Variants in AGFG1 observed in about 807,000 individuals in gnomAD.
AGFG1 encodes ArfGAP with FG repeats 1.
AGFG1 carries 10 observed loss-of-function variants against 60.6 expected under a neutral mutation model. The observed-to-expected ratio is 0.16, with a 90% confidence interval of 0.10 to 0.28. AGFG1 has a LOEUF of 0.28. Among genes scored for constraint, AGFG1 ranks in the 10% least tolerant of loss-of-function variants. The pLI is 1.00. For synonymous variants in AGFG1, 247 were observed against 242.9 expected (o/e 1.02, Z -0.16); for missense variants, 537 against 676.5 (o/e 0.79, Z 2.29).
At chr2:227,493,263 G>T (rs1380226768) in intron 2 of AGFG1, among the ~76,000 whole-genome samples, 1 of 152,088 alleles carries the variant, frequency 6.6e-6, no homozygotes, top group Non-Finnish European at 1.5e-5. Context: ...CAGATCTCTA[G>T]AAATTAATCA....
At chr2:227,500,885 C>T (rs897681062) in intron 2 of AGFG1, among the ~76,000 whole-genome samples, 5 of 151,944 alleles carry the variant, frequency 3.3e-5, no homozygotes, top group Non-Finnish European at 5.9e-5. Flanking sequence ...CACTGCCTCC[C>T]AGGTTCAAGT....
intron 10 of AGFG1, among the ~76,000 whole-genome samples, chr2:227,543,839 C>T (rs1575113294): frequency 6.6e-6 from 1 of 151,102 alleles, no homozygotes; most frequent in African/African-American, 2.4e-5. Flanking sequence ...CTGGGTTCTC[C>T]TGTATTGGGT....
intron 10 of AGFG1, among the ~76,000 whole-genome samples, chr2:227,551,660 A>G (rs1482744255): frequency 1.3e-5 from 2 of 152,222 alleles, no homozygotes; most frequent in Non-Finnish European, 2.9e-5. Context: ...TTAAAACACA[A>G]GACTACTGTT....
At chr2:227,481,179 CT>C (rs1690449478) in intron 1 of AGFG1, among the ~76,000 whole-genome samples, 1 of 101,040 alleles carries the variant, frequency 9.9e-6, no homozygotes, top group South Asian at 3.2e-4. Flanking sequence ...CTCCAATCTT[CT>C]TTTTTGGGGA....
chr2:227,553,081 T>G (rs1245963061), intron 11 of AGFG1, among the ~76,000 whole-genome samples: 1 of 151,660 alleles, frequency 6.6e-6, no homozygotes, highest in East Asian at 1.9e-4. Context: ...CAAAATACTG[T>G]GATGTTTACA....
At chr2:227,521,760 T>A (rs1228471939) in intron 3 of AGFG1, among the ~76,000 whole-genome samples, 1 of 152,238 alleles carries the variant, frequency 6.6e-6, no homozygotes, top group African/African-American at 2.4e-5. Flanking sequence ...GTTGGTAGAA[T>A]TAAAATCATA....
chr2:227,551,936 G>A, intron 10 of AGFG1, 23 bp from the exon 11 acceptor site: 1 of 1,612,562 alleles, frequency 6.2e-7, no homozygotes, highest in Non-Finnish European at 8.5e-7. Context: ...GTATGTAACT[G>A]ATCAGCCCTT....
chr2:227,514,025 C>A (rs893037782), intron 2 of AGFG1, among the ~76,000 whole-genome samples: 2 of 152,096 alleles, frequency 1.3e-5, no homozygotes, highest in African/African-American at 4.8e-5. Flanking sequence ...GCTAGAAGTT[C>A]AGAGGAGGGA....
chr2:227,553,027 AAT>A (rs1268371823), intron 11 of AGFG1, among the ~76,000 whole-genome samples: 1 of 150,818 alleles, frequency 6.6e-6, no homozygotes, highest in Non-Finnish European at 1.5e-5. Flanking sequence ...AAAAATCTGA[AAT>A]ATGGACCCTG....
At chr2:227,513,365 T>A (rs565072610) in intron 2 of AGFG1, among the ~76,000 whole-genome samples, 1 of 152,330 alleles carries the variant, frequency 6.6e-6, no homozygotes, top group East Asian at 1.9e-4. Flanking sequence ...TTGTCCCTGC[T>A]TTCTAGTTGG....
At chr2:227,485,233 C>T (rs1000112242) in intron 1 of AGFG1, among the ~76,000 whole-genome samples, 9 of 135,228 alleles carry the variant, frequency 6.7e-5, no homozygotes, top group Non-Finnish European at 1.2e-4. Flanking sequence ...GAAGTTTCAC[C>T]GAATCGTTTC....
At chr2:227,524,668 T>C in intron 4 of AGFG1, 94 bp from the exon 5 acceptor site, 14 of 1,286,212 alleles carry the variant, frequency 1.1e-5, no homozygotes, top group Non-Finnish European at 1.2e-5. Context: ...TAACTCTTCG[T>C]ATGTATAAGT....
chr2:227,476,396 A>G (rs962079544), intron 1 of AGFG1, among the ~76,000 whole-genome samples: 1 of 152,230 alleles, frequency 6.6e-6, no homozygotes, highest in African/African-American at 2.4e-5. Context: ...TATGGAGACT[A>G]TAAACATTAG....
intron 1 of AGFG1, among the ~76,000 whole-genome samples, chr2:227,489,878 C>T (rs13411747): frequency 0.54 from 82,007 of 151,440 alleles, 22,655 homozygotes; most frequent in South Asian, 0.69. Context: ...TGCAGTGGCA[C>T]GATCTTGGCT....
rs1163090499 is a variant in AGFG1, at chr2:227,559,907, A to C, written c.*5412A>C. 1 of 152,160 alleles carries C rather than the reference A, an allele frequency of 6.6e-6. No individual in the cohort carries two copies. The highest frequency in any genetic ancestry group is 2.1e-4 in the South Asian group (1 of 4,832). 9.4% of individuals were successfully genotyped at this position (152,160 alleles called of 1,614,324 possible). A position where few individuals can be genotyped will look rare whatever the true frequency, so the allele number is the denominator to read the frequency against. Reference sequence around the variant, plus strand: ...TTTAAAGACTTTAAAGGTTTTTTGTATGCTATAATATATGCTTATGATTTC... The same window carrying C: ...TTTAAAGACTTTAAAGGTTTTTTGTCTGCTATAATATATGCTTATGATTTC... On this transcript the variant is annotated 3_prime_UTR_variant, in exon 13 of 13. Coordinates refer to ENST00000310078, the MANE Select transcript of AGFG1 (RefSeq NM_004504.5).
At chr2:227,552,176 A>C in intron 11 of AGFG1, 59 bp downstream of exon 11, 1 of 1,592,566 alleles carries the variant, frequency 6.3e-7, no homozygotes, top group South Asian at 1.1e-5. Flanking sequence ...TTATATCATA[A>C]TGTTGTGTGC....
chr2:227,528,095 G>A (rs1467060538), intron 5 of AGFG1, among the ~76,000 whole-genome samples: 1 of 152,080 alleles, frequency 6.6e-6, no homozygotes, highest in East Asian at 1.9e-4. Context: ...GGGATAGTTT[G>A]AAAAATTGTA....
chr2:227,531,185 C>T lies in AGFG1; in HGVS notation c.789C>T (p.His263=), dbSNP rs1300573618. The T allele has an allele frequency of 6.2e-7, 1 of 1,613,732 alleles. No individual in the cohort carries two copies. The highest frequency in any genetic ancestry group is 1.7e-5 in the Admixed American group (1 of 59,984). The stretch of plus-strand genomic sequence containing the variant: ...TTGGAGGTTTCCCCACAGCAAGTCA[C>T]TCTCCTTTTCAGCCCCAAACTACAG... ...SNFGGFPTAS[H]SPFQPQTTGG... is the part of the protein sequence containing the mutation. The change falls in exon 6 of 13, where the codon CAC becomes CAT. Residue 263 remains histidine (H), a synonymous_variant. Transcript: ENST00000310078.
intron 5 of AGFG1, among the ~76,000 whole-genome samples, chr2:227,530,474 TC>T (rs1361561635): frequency 6.6e-6 from 1 of 152,186 alleles, no homozygotes; most frequent in African/African-American, 2.4e-5. Context: ...TGCTATAATT[TC>T]TATGCTAGCA....
Sources: gnomAD v4.1 joint callset for allele counts (sites outside exome capture counted in the v4.1 genomes callset) on GRCh38, gnomAD v4.1.1 for gene constraint, MANE v1.5 for transcripts, NCBI Gene and HGNC (gene_info 2026-07-23, HGNC 2026-07-21) for gene names.